ACTN2: variants seen among roughly 807,000 people sequenced by gnomAD.
ACTN2 encodes the protein alpha-actinin-2.
Under a neutral mutation model 113.8 loss-of-function variants are expected in ACTN2, and 39 were observed. The observed-to-expected ratio is 0.34, with a 90% CI of 0.27 to 0.45. The LOEUF (loss-of-function observed/expected upper bound fraction) is 0.45. Ranked by LOEUF, ACTN2 falls within the 20% of genes least tolerant of loss-of-function variation. ACTN2 has a pLI of 1.00. For missense variants in ACTN2, 992 were observed against 1,177.9 expected, an observed-to-expected ratio of 0.84 and a Z score of 2.31; for synonymous variants, 429 against 444.1, an observed-to-expected ratio of 0.97 and a Z score of 0.43.
chr1:236,711,267 C>A (rs929223653), intron 1 of ACTN2, among the ~76,000 whole-genome samples: 3 of 152,240 alleles, frequency 2.0e-5, no homozygotes, highest in Non-Finnish European at 4.4e-5. Context: ...ACCGCATTTC[C>A]ATCTATAGAA....
At chr1:236,737,942 G>A (rs945487551) in intron 9 of ACTN2, among the ~76,000 whole-genome samples, 1 of 152,186 alleles carries the variant, frequency 6.6e-6, no homozygotes, top group South Asian at 2.1e-4. Context: ...CTCTAAATTG[G>A]ACTCAAGTAC....
At chr1:236,742,329 A>G (rs1659095957) in intron 10 of ACTN2, among the ~76,000 whole-genome samples, 1 of 152,096 alleles carries the variant, frequency 6.6e-6, no homozygotes, top group African/African-American at 2.4e-5. Context: ...GTTTCTCACT[A>G]GTGCCTGGTA....
Position 236,755,189 on chromosome 1 carries a change from C to T in ACTN2, c.2145C>T (p.Tyr715=). ...ALVFDNKHTN[Y]TMEHIRVGWE... ...TCTTTGACAACAAGCACACGAACTA[C>T]ACGATGGAGGTACGGCAGCCAGACA... The change falls in exon 17 of 21, where the codon TAC becomes TAT. Residue 715 remains tyrosine (Y), a synonymous_variant. Transcript: ENST00000366578. 6.2e-7 allele frequency: 1 copy of T among 1,614,184 alleles called. No individual in the cohort carries two copies. The highest frequency in any genetic ancestry group is 1.1e-5 in the South Asian group (1 of 91,074).
intron 1 of ACTN2, among the ~76,000 whole-genome samples, chr1:236,711,511 G>A (rs747168556): frequency 2.0e-5 from 3 of 152,106 alleles, no homozygotes; most frequent in African/African-American, 4.8e-5. Flanking sequence ...ACCACGCCAG[G>A]CTAAGTTTTT....
Position 236,762,776 on chromosome 1 carries a change from C to T in ACTN2, c.*157C>T, listed in dbSNP as rs184479165. On this transcript the variant is annotated 3_prime_UTR_variant, in exon 21 of 21. Coordinates refer to ENST00000366578, the MANE Select transcript of ACTN2 (RefSeq NM_001103.4). ...TTCAGTAATTGCCAGCAATATAACA[C>T]GGCTAAAATGAAGTTTTTACAGTAT... is the stretch of plus-strand genomic sequence containing the variant. The T allele has an allele frequency of 1.7e-5, 16 of 923,466 alleles. No individual in the cohort carries two copies. Among genetic ancestry groups the T allele is most frequent in the Admixed American group, 8.2e-5 (4 of 48,640 alleles). 57.2% of individuals were successfully genotyped at this position (923,466 alleles called of 1,614,324 possible).
rs779704744 is a variant in ACTN2, at chr1:236,717,898, G to A, written c.167G>A (p.Gly56Asp). The stretch of plus-strand genomic sequence containing the variant: ...TGTAACTCCCACCTAAGGAAAGCCG[G>A]CACCCAGATTGAGAACATCGAGGAA... ...AWCNSHLRKA[G>D]TQIENIEEDF... Residue 56 changes from glycine to aspartate, a missense_variant, in exon 2 of 21, where the codon GGC (glycine) becomes GAC (aspartate). Gly to Asp is a moderately conservative substitution (Grantham distance 94). Around this residue, in one of 3 missense-constraint regions of ACTN2, gnomAD observed 220 missense variants for 337.5 expected, o/e 0.65. Transcript: ENST00000366578. 6.2e-7 allele frequency: 1 copy of A among 1,614,088 alleles called. No individual in the cohort carries two copies. The highest frequency in any genetic ancestry group is 8.5e-7 in the Non-Finnish European group (1 of 1,180,004).
chr1:236,751,707 G>A (rs1011015062), intron 15 of ACTN2, 55 bp downstream of exon 15: 121 of 1,606,630 alleles, frequency 7.5e-5, no homozygotes, highest in Admixed American at 1.7e-4. Context: ...AGCTGACGTC[G>A]AAGGAGGAAG....
At chr1:236,691,712 C>T (rs1457225227) in intron 1 of ACTN2, among the ~76,000 whole-genome samples, 1 of 152,172 alleles carries the variant, frequency 6.6e-6, no homozygotes, top group Admixed American at 6.5e-5. Context: ...AGCCCTTTTA[C>T]ATCCCTTCAC....
At chr1:236,707,709 C>CTTTTTTTTTTTTTTTTTTTTTTTTT (rs5781919) in intron 1 of ACTN2, among the ~76,000 whole-genome samples, 3 of 78,758 alleles carry the variant, frequency 3.8e-5, no homozygotes, top group African/African-American at 5.0e-5. Flanking sequence ...TCTTTTTTTT[C>CTTTTTTTTTTTTTTTTTTTTTTTTT]TTTTTTTTTT....
rs1176935092 is a variant in ACTN2, at chr1:236,762,584, T to C, written c.2650T>C (p.Phe884Leu). ...SVPGALDYAAFSSALYGESDL is the reference protein window; with the variant it reads ...SVPGALDYAALSSALYGESDL ...GCCTGGTGCACTGGATTACGCTGCG[T>C]TCTCTTCCGCACTCTACGGGGAGAG... The change falls in exon 21 of 21, where the codon TTC becomes CTC. Residue 884 changes from phenylalanine to leucine, a missense_variant. This residue lies in a region of ACTN2 where 736 missense variants were observed against 815.4 expected (regional missense o/e 0.90). Coordinates refer to ENST00000366578, the MANE Select transcript of ACTN2 (RefSeq NM_001103.4). The C allele has an allele frequency of 6.2e-7, 1 of 1,614,184 alleles. No individual in the cohort carries two copies. The highest frequency in any genetic ancestry group is 8.5e-7 in the Non-Finnish European group (1 of 1,180,036).
intron 15 of ACTN2, among the ~76,000 whole-genome samples, chr1:236,753,719 C>A (rs896760060): frequency 6.6e-6 from 1 of 152,040 alleles, no homozygotes; most frequent in South Asian, 2.1e-4. Context: ...TTTCAGCAGG[C>A]ACTTGGTGGC....
chr1:236,751,026 G>A (rs191048270), intron 14 of ACTN2, among the ~76,000 whole-genome samples: 192 of 141,996 alleles, frequency 1.4e-3, no homozygotes, highest in Non-Finnish European at 2.4e-3. Flanking sequence ...AGTGTTCAAG[G>A]CTGCAGTGAG....
Position 236,759,768 on chromosome 1 carries a change from G to T in ACTN2, c.2346G>T (p.Leu782=), listed in dbSNP as rs1469965295. 1.2e-6 allele frequency: 2 copies of T among 1,613,992 alleles called. No homozygotes were observed. The highest frequency in any genetic ancestry group is 2.7e-5 in the African/African-American group (2 of 74,926). The stretch of plus-strand genomic sequence containing the variant: ...ATCATGAGGATTTCAGAGCCTGCCT[G>T]ATTTCCATGGGTTATGACCTGGTAA... ...LMDHEDFRAC[L]ISMGYDLGEA... is the part of the protein sequence containing the mutation. The change falls in exon 19 of 21, where the codon CTG becomes CTT. Residue 782 remains leucine (L), a synonymous_variant. Transcript: ENST00000366578.
intron 15 of ACTN2, among the ~76,000 whole-genome samples, chr1:236,751,993 C>T (rs1319665275): frequency 1.3e-5 from 2 of 152,140 alleles, no homozygotes; most frequent in Non-Finnish European, 2.9e-5. Context: ...CAAGTACTTA[C>T]AGTACTTTTT....
intron 4 of ACTN2, among the ~76,000 whole-genome samples, chr1:236,723,057 TCC>T (rs1658448235): frequency 6.6e-6 from 1 of 152,226 alleles, no homozygotes; most frequent in South Asian, 2.1e-4. Context: ...TAAGTGAAAC[TCC>T]GTGACTTGTA....
intron 1 of ACTN2, among the ~76,000 whole-genome samples, chr1:236,693,531 T>A (rs2102860135): frequency 6.6e-6 from 1 of 152,232 alleles, no homozygotes; most frequent in Admixed American, 6.5e-5. Flanking sequence ...TCATGGTGAA[T>A]GGAAATGTCT....
chr1:236,715,137 C>T (rs1427074802), intron 1 of ACTN2, among the ~76,000 whole-genome samples: 1 of 149,820 alleles, frequency 6.7e-6, no homozygotes, highest in African/African-American at 2.5e-5. Flanking sequence ...CCTTTCGTAC[C>T]ACTTGAATTT....
At chr1:236,753,268 T>G (rs574088432) in intron 15 of ACTN2, among the ~76,000 whole-genome samples, 1 of 152,336 alleles carries the variant, frequency 6.6e-6, no homozygotes, top group South Asian at 2.1e-4. Flanking sequence ...CAAATTATAT[T>G]GAAATGTAGT....
chr1:236,737,854 CT>C (rs762917553), intron 9 of ACTN2, among the ~76,000 whole-genome samples: 7 of 152,210 alleles, frequency 4.6e-5, no homozygotes, highest in Non-Finnish European at 1.0e-4. Context: ...TACGTAGCGA[CT>C]ACGCAGTATC....
Sources: gnomAD v4.1 joint callset for allele counts (sites outside exome capture counted in the v4.1 genomes callset) on GRCh38, gnomAD v4.1.1 for gene constraint, gnomAD v4.1.1 regional missense constraint, MANE v1.5 for transcripts, NCBI Gene and HGNC (gene_info 2026-07-23, HGNC 2026-07-21) for gene names.